ATP13A4: variants seen among roughly 807,000 people sequenced by gnomAD.
ATP13A4 encodes the protein ATPase 13A4.
ATP13A4 carries 114 observed loss-of-function variants against 142.5 expected under a neutral mutation model. The observed-to-expected ratio is 0.80, with a 90% CI of 0.69 to 0.93. ATP13A4 has a LOEUF of 0.93. Among genes scored for constraint, ATP13A4 ranks in the 40% least tolerant of loss-of-function variants. The pLI, the probability that ATP13A4 is intolerant of heterozygous loss-of-function variation, is 0.00. For synonymous variants in ATP13A4, 488 were observed against 514.8 expected (o/e 0.95, Z 0.70); for missense variants, 1,392 against 1,454.0 (o/e 0.96, Z 0.69).
intron 25 of ATP13A4, among the ~76,000 whole-genome samples, chr3:193,430,000 C>T (rs780436852): frequency 6.6e-6 from 1 of 151,938 alleles, no homozygotes; most frequent in Non-Finnish European, 1.5e-5. Flanking sequence ...ACAACATATA[C>T]ACTTAATATA....
intron 7 of ATP13A4, among the ~76,000 whole-genome samples, chr3:193,484,309 C>CT (rs1719478363): frequency 8.2e-6 from 1 of 121,550 alleles, no homozygotes; most frequent in Non-Finnish European, 1.8e-5. Context: ...GACTCTGTCT[C>CT]AAAATAAATA....
intron 1 of ATP13A4, among the ~76,000 whole-genome samples, chr3:193,516,778 T>G (rs1721439341): frequency 6.6e-6 from 1 of 152,224 alleles, no homozygotes; most frequent in African/African-American, 2.4e-5. Context: ...TCTGTTACTA[T>G]GCATTCTTTT....
chr3:193,536,332 C>A (rs942242165), intron 1 of ATP13A4, among the ~76,000 whole-genome samples: 1 of 151,816 alleles, frequency 6.6e-6, no homozygotes, highest in African/African-American at 2.4e-5. Context: ...ACGACTTCAG[C>A]CACACACACA....
In ATP13A4 at chr3:193,398,980, A is replaced by T. The variant is rs192639951; in HGVS notation, c.*3672T>A. Among the ~76,000 whole-genome samples the T allele has an allele frequency of 8.5e-5, 13 of 152,366 alleles. No homozygotes were observed. The highest frequency in any genetic ancestry group is 3.9e-4 in the Admixed American group (6 of 15,308). ...AGAGAGAGAGACTGATTTTTATAAC[A>T]ACTGAATTTATTATAGCATAAACTA... On this transcript the variant is annotated 3_prime_UTR_variant, in exon 30 of 30. Coordinates refer to ENST00000342695, the MANE Select transcript of ATP13A4 (RefSeq NM_032279.4).
At chr3:193,505,864 G>C (rs543782925) in intron 2 of ATP13A4, among the ~76,000 whole-genome samples, 2 of 152,308 alleles carry the variant, frequency 1.3e-5, no homozygotes, top group East Asian at 3.9e-4. Flanking sequence ...ACAGGCTTGA[G>C]GCCTGAACTC....
At chr3:193,423,140 T>C (rs77725599) in intron 25 of ATP13A4, among the ~76,000 whole-genome samples, 2,793 of 149,740 alleles carry the variant, frequency 0.019, 114 homozygotes, top group Middle Eastern at 0.055. Context: ...CCTGGACACA[T>C]ACAACCTACC....
At chr3:193,573,287 A>ATATATATATG in intron 2 of ATP13A4, among the ~76,000 whole-genome samples, 1 of 81,466 alleles carries the variant, frequency 1.2e-5, no homozygotes, top group African/African-American at 6.4e-5. Flanking sequence ...ATATATATAT[A>ATATATATATG]TACACATATA....
At chr3:193,415,934 A>G (rs1715038718) in intron 25 of ATP13A4, among the ~76,000 whole-genome samples, 1 of 152,230 alleles carries the variant, frequency 6.6e-6, no homozygotes, top group South Asian at 2.1e-4. Context: ...TGCTCAGTAA[A>G]GACCAGAGAA....
chr3:193,525,870 T>G (rs1456821667), intron 1 of ATP13A4, among the ~76,000 whole-genome samples: 1 of 152,242 alleles, frequency 6.6e-6, no homozygotes, highest in African/African-American at 2.4e-5. Flanking sequence ...AATCCCCTGT[T>G]GAGCTAGTCT....
intron 18 of ATP13A4, among the ~76,000 whole-genome samples, chr3:193,445,719 T>A (rs1184300753): frequency 6.6e-6 from 1 of 152,146 alleles, no homozygotes; most frequent in Non-Finnish European, 1.5e-5. Flanking sequence ...ATCAGGTCAC[T>A]GCACTCCAGC....
At chr3:193,494,373 A>G (rs146653884) in intron 3 of ATP13A4, among the ~76,000 whole-genome samples, 1 of 152,216 alleles carries the variant, frequency 6.6e-6, no homozygotes, top group Non-Finnish European at 1.5e-5. Context: ...TAGATTATAC[A>G]TTAGGTCACA....
intron 3 of ATP13A4, among the ~76,000 whole-genome samples, chr3:193,498,673 T>A (rs1720376939): frequency 6.6e-6 from 1 of 152,232 alleles, no homozygotes; most frequent in Non-Finnish European, 1.5e-5. Flanking sequence ...TTTCCTCACA[T>A]AATTTTAATG....
Position 193,439,030 on chromosome 3 carries a change from T to A in ATP13A4, c.2555A>T (p.Asp852Val). ...AAACTGGTAGCTACTTACCCCACAG[T>A]CATTGGCTCCATCACCACACATACC... is the stretch of plus-strand genomic sequence containing the variant. ...FVGMCGDGAN[D>V]CGALKMAHVG... Residue 852 changes from aspartate to valine, a missense_variant, in exon 22 of 30, where the codon GAC becomes GTC. Transcript: ENST00000342695. 1 of 1,610,160 alleles carries A rather than the reference T, an allele frequency of 6.2e-7. No individual in the cohort carries two copies. Among genetic ancestry groups the A allele is most frequent in the Non-Finnish European group, 8.5e-7 (1 of 1,176,410 alleles).
chr3:193,438,179 A>G (rs938309522), intron 23 of ATP13A4, among the ~76,000 whole-genome samples: 3 of 152,184 alleles, frequency 2.0e-5, no homozygotes, highest in African/African-American at 7.2e-5. Context: ...AAAAGGAGAT[A>G]GTTACATTTG....
Position 193,439,222 on chromosome 3 carries a change from G to A in ATP13A4, c.2520-157C>T. ...GTTTGACTGAAAAAAGTGTGATTCAGCAGTTAATACAATGGATTTAGAAAT... is the reference window on the plus strand; with the variant it reads ...GTTTGACTGAAAAAAGTGTGATTCAACAGTTAATACAATGGATTTAGAAAT... On this transcript the variant is annotated intron_variant, in intron 21 of 29. Coordinates refer to ENST00000342695, the MANE Select transcript of ATP13A4 (RefSeq NM_032279.4). 3 of 742,974 alleles carry A rather than the reference G, an allele frequency of 4.0e-6. No individual in the cohort carries two copies. The Admixed American group carries it at 6.3e-5, about 16-fold the overall frequency. 46.0% of individuals were successfully genotyped at this position (742,974 alleles called of 1,614,324 possible). A position where few individuals can be genotyped will look rare whatever the true frequency, so the allele number is the denominator to read the frequency against.
intron 2 of ATP13A4, among the ~76,000 whole-genome samples, chr3:193,505,513 T>C (rs1720813020): frequency 6.6e-6 from 1 of 152,194 alleles, no homozygotes; most frequent in Non-Finnish European, 1.5e-5. Flanking sequence ...GCTCATTTCC[T>C]AACATCCCCA....
intron 11 of ATP13A4, 41 bp downstream of exon 11, chr3:193,465,984 T>C (rs1362400181): frequency 1.2e-6 from 2 of 1,607,784 alleles, no homozygotes; most frequent in Non-Finnish European, 1.7e-6. Flanking sequence ...TATACAGAGA[T>C]GAGTGTGTGT....
At chr3:193,424,048 A>G (rs958659290) in intron 25 of ATP13A4, among the ~76,000 whole-genome samples, 1 of 149,568 alleles carries the variant, frequency 6.7e-6, no homozygotes, top group Non-Finnish European at 1.5e-5. Flanking sequence ...TTATCTATAA[A>G]AGAAATAAAG....
intron 18 of ATP13A4, 74 bp from the exon 19 acceptor site, chr3:193,442,630 G>A: frequency 7.0e-7 from 1 of 1,437,708 alleles, no homozygotes; most frequent in Non-Finnish European, 9.8e-7. Context: ...TTGAAAACCA[G>A]AGCAGGGAGT....
Sources: allele counts gnomAD v4.1 joint callset (sites outside exome capture counted in the v4.1 genomes callset), GRCh38; gene constraint gnomAD v4.1.1; transcripts MANE v1.5; gene names NCBI Gene and HGNC (gene_info 2026-07-23, HGNC 2026-07-21).